Variants in CCDC3 observed in about 807,000 individuals in gnomAD.
CCDC3 encodes the protein coiled-coil domain-containing protein 3.
Under a neutral mutation model 21.4 loss-of-function variants are expected in CCDC3, and 24 were observed. The observed-to-expected ratio is 1.12, with a 90% CI of 0.81 to 1.58. The LOEUF is 1.58. Ranked by LOEUF, CCDC3 falls within the 40% of genes most tolerant of loss-of-function variation. CCDC3 has a pLI of 0.00. For missense variants in CCDC3, 425 were observed against 360.9 expected (o/e 1.18, Z -1.44); for synonymous variants, 186 against 166.0 (o/e 1.12, Z -0.93).
intron 4 of CCDC3, among the ~76,000 whole-genome samples, chr10:13,071,509 CT>C (rs1262250912): frequency 6.6e-6 from 1 of 152,162 alleles, no homozygotes; most frequent in East Asian, 1.9e-4. Flanking sequence ...TAAATGAGGT[CT>C]AGGGAATTCA....
At chr10:13,068,186 A>G (rs1454790248) in intron 4 of CCDC3, among the ~76,000 whole-genome samples, 2 of 152,172 alleles carry the variant, frequency 1.3e-5, no homozygotes, top group Non-Finnish European at 2.9e-5. Context: ...CCTCCCAGTC[A>G]TGCCTATTTT....
chr10:12,913,163 C>A (rs1368518091), intron 2 of CCDC3, among the ~76,000 whole-genome samples: 2 of 152,134 alleles, frequency 1.3e-5, no homozygotes. Context: ...TGCATTGAAT[C>A]TGTAGATCAC....
At chr10:12,969,217 C>G (rs925935292) in intron 2 of CCDC3, among the ~76,000 whole-genome samples, 1 of 152,040 alleles carries the variant, frequency 6.6e-6, no homozygotes, top group African/African-American at 2.4e-5. Context: ...CTCAACATCA[C>G]GAATCATCAG....
At chr10:13,055,953 T>C (rs1302221460) in intron 4 of CCDC3, among the ~76,000 whole-genome samples, 2 of 152,206 alleles carry the variant, frequency 1.3e-5, no homozygotes, top group Non-Finnish European at 2.9e-5. Context: ...TGGAGTCTCA[T>C]ATGGAGAAAG....
intron 2 of CCDC3, 40 bp downstream of exon 2, chr10:12,998,298 C>A: frequency 6.3e-7 from 1 of 1,596,872 alleles, no homozygotes; most frequent in Non-Finnish European, 8.5e-7. Context: ...TGTAGCTATA[C>A]TATTGTTTTG....
chr10:12,916,117 C>T (rs1433579248), intron 2 of CCDC3, among the ~76,000 whole-genome samples: 1 of 151,950 alleles, frequency 6.6e-6, no homozygotes, highest in Non-Finnish European at 1.5e-5. Flanking sequence ...TGGCACTGGG[C>T]AGGCCTGGAG....
At position 12,936,869 on chromosome 10, in the gene CCDC3, C is replaced by T. The variant is rs572776728; in HGVS notation, c.550-38190G>A. 4.3e-4 allele frequency among the ~76,000 whole-genome samples: 66 copies of T among 152,320 alleles called. 2 individuals are homozygous for T. The highest frequency in any genetic ancestry group is 2.7e-3 in the South Asian group (13 of 4,828). On this transcript the variant is annotated intron_variant, in intron 2 of 2. Transcript: ENST00000378825. ...TCGAGGCTACAGTGAGTTGTGATTA[C>T]ACCTGTCAGTAACCACTGCACTCCA...
intron 2 of CCDC3, among the ~76,000 whole-genome samples, chr10:12,902,319 C>T (rs979012217): frequency 6.6e-6 from 1 of 152,082 alleles, no homozygotes; most frequent in African/African-American, 2.4e-5. Flanking sequence ...AAAATGAGAC[C>T]CCCTCAAAAA....
chr10:12,904,403 A>G (rs1216161664), intron 2 of CCDC3, among the ~76,000 whole-genome samples: 1 of 134,106 alleles, frequency 7.5e-6, no homozygotes, highest in Non-Finnish European at 1.6e-5. Context: ...TGGGAGGTGG[A>G]GGCTGCTGTG....
intron 2 of CCDC3, among the ~76,000 whole-genome samples, chr10:12,904,468 TAAAAAAAAAA>T (rs55772750): frequency 4.9e-5 from 2 of 40,902 alleles, no homozygotes; most frequent in African/African-American, 9.0e-5. Flanking sequence ...AAGCCAGTCT[TAAAAAAAAAA>T]AAAAAAAAAA....
chr10:12,950,888 C>T (rs1304107147), intron 2 of CCDC3, among the ~76,000 whole-genome samples: 1 of 152,154 alleles, frequency 6.6e-6, no homozygotes, highest in Non-Finnish European at 1.5e-5. Flanking sequence ...CCATTTAATG[C>T]CCAACTGGAG....
Position 12,984,265 on chromosome 10 carries a change from A to C in CCDC3, c.549+14073T>G, listed in dbSNP as rs1051328487. Among the ~76,000 whole-genome samples the C allele has an allele frequency of 4.6e-5, 7 of 152,364 alleles. No homozygotes were observed. In the East Asian group the frequency reaches 1.3e-3, roughly 29 times the overall value. On this transcript the variant is annotated intron_variant, in intron 2 of 2. Transcript: ENST00000378825. ...AAGGACTTGAATAGACGTTTCTCCC[A>C]AAAGGACACTATGCAAATGCCCAAT...
At chr10:13,043,985 C>A (rs1372140275) in intron 5 of CCDC3, among the ~76,000 whole-genome samples, 2 of 150,820 alleles carry the variant, frequency 1.3e-5, no homozygotes, top group African/African-American at 4.9e-5. Context: ...AGTAAATAAG[C>A]ATTCCCTTTT....
intron 5 of CCDC3, among the ~76,000 whole-genome samples, chr10:13,026,612 G>T (rs1261418556): frequency 6.6e-6 from 1 of 152,142 alleles, no homozygotes; most frequent in East Asian, 1.9e-4. Flanking sequence ...TGAAATGACT[G>T]AATTCACTAA....
chr10:12,968,939 G>C (rs1835300654), intron 2 of CCDC3, among the ~76,000 whole-genome samples: 1 of 152,024 alleles, frequency 6.6e-6, no homozygotes, highest in Non-Finnish European at 1.5e-5. Context: ...AAGAGAGGAA[G>C]AAAGGAACAA....
chr10:12,904,110 G>A (rs954120526), intron 2 of CCDC3, among the ~76,000 whole-genome samples: 13 of 152,060 alleles, frequency 8.5e-5, no homozygotes, highest in African/African-American at 3.1e-4. Context: ...GTATTTCATG[G>A]GAGCTGGAGG....
At chr10:13,068,216 A>G (rs1383141405) in intron 4 of CCDC3, among the ~76,000 whole-genome samples, 2 of 152,118 alleles carry the variant, frequency 1.3e-5, no homozygotes, top group East Asian at 3.9e-4. Context: ...TAAAAGCTGC[A>G]TGTTTTTCTG....
chr10:13,023,087 CTT>C (rs5783299), intron 5 of CCDC3, among the ~76,000 whole-genome samples: 6 of 150,868 alleles, frequency 4.0e-5, no homozygotes, highest in Admixed American at 1.3e-4. Context: ...TTTTTGCACA[CTT>C]TTTTTTTGCA....
intron 2 of CCDC3, among the ~76,000 whole-genome samples, chr10:12,974,577 G>A (rs1835388465): frequency 6.6e-6 from 1 of 152,216 alleles, no homozygotes; most frequent in African/African-American, 2.4e-5. Context: ...GGGATGTGTG[G>A]GGTAGGTGCT....
Sources: allele counts gnomAD v4.1 joint callset (sites outside exome capture counted in the v4.1 genomes callset), GRCh38; gene constraint gnomAD v4.1.1; transcripts MANE v1.5; gene names NCBI Gene and HGNC (gene_info 2026-07-23, HGNC 2026-07-21).